The following RBM19 variants were observed in gnomAD, a reference collection of about 807,000 sequenced individuals.
The protein encoded by RBM19 is probable RNA-binding protein 19.
RBM19 carries 94 observed loss-of-function variants against 116.8 expected under a neutral mutation model. That is an observed-to-expected ratio of 0.80 (90% CI 0.68 to 0.95). The LOEUF is 0.95. Ranked by LOEUF, RBM19 falls within the 40% of genes least tolerant of loss-of-function variation. The probability of loss-of-function intolerance (pLI) is 0.00; values close to 1 mark genes in which losing one functional copy is unlikely to be tolerated. For missense variants in RBM19, 1,161 were observed against 1,220.7 expected (o/e 0.95, Z 0.73); for synonymous variants, 475 against 494.1 (o/e 0.96, Z 0.51).
At chr12:113,882,275 T>C (rs1208285032) in intron 21 of RBM19, among the ~76,000 whole-genome samples, 1 of 152,182 alleles carries the variant, frequency 6.6e-6, no homozygotes, top group Non-Finnish European at 1.5e-5. Context: ...CATGGTTCTC[T>C]CTGTCTCAAC....
intron 21 of RBM19, among the ~76,000 whole-genome samples, chr12:113,891,101 C>T (rs1880934096): frequency 6.6e-6 from 1 of 152,098 alleles, no homozygotes; most frequent in Admixed American, 6.5e-5. Context: ...CCAGGCCTGG[C>T]CTTGATGGAA....
intron 23 of RBM19, among the ~76,000 whole-genome samples, chr12:113,832,195 C>CT (rs11410268): frequency 0.26 from 38,173 of 145,186 alleles, 4,971 homozygotes; most frequent in Middle Eastern, 0.4. Context: ...TTTCTTTTTT[C>CT]TTTTTTTTTT....
At chr12:113,826,976 T>G (rs961900217) in intron 23 of RBM19, among the ~76,000 whole-genome samples, 2 of 152,054 alleles carry the variant, frequency 1.3e-5, no homozygotes, top group African/African-American at 2.4e-5. Flanking sequence ...TCTGCCAGGG[T>G]TCAGGCTGGG....
At chr12:113,857,755 G>A (rs1011241844) in intron 22 of RBM19, among the ~76,000 whole-genome samples, 3 of 152,234 alleles carry the variant, frequency 2.0e-5, no homozygotes, top group African/African-American at 7.2e-5. Flanking sequence ...CATGTTCCCA[G>A]GGCCCACAAA....
At chr12:113,923,537 G>A (rs1224687782) in intron 18 of RBM19, among the ~76,000 whole-genome samples, 2 of 152,214 alleles carry the variant, frequency 1.3e-5, no homozygotes, top group Non-Finnish European at 2.9e-5. Context: ...CTGGGGAAAA[G>A]TCAAAACTCT....
intron 1 of RBM19, among the ~76,000 whole-genome samples, chr12:113,964,344 T>C (rs1415271485): frequency 1.3e-5 from 2 of 152,226 alleles, no homozygotes; most frequent in South Asian, 2.1e-4. Context: ...TAAATGTTAC[T>C]TTACCTAAAG....
intron 9 of RBM19, 125 bp from the exon 10 acceptor site, chr12:113,949,161 A>G (rs1871284736): frequency 1.2e-6 from 1 of 855,950 alleles, no homozygotes; most frequent in Non-Finnish European, 1.9e-6. Context: ...AGATGACAGC[A>G]CCCAACACCT....
At chr12:113,886,236 GA>G (rs1199013367) in intron 21 of RBM19, among the ~76,000 whole-genome samples, 1 of 152,042 alleles carries the variant, frequency 6.6e-6, no homozygotes, top group Non-Finnish European at 1.5e-5. Context: ...AGGCTCAAGT[GA>G]TTCTCCCACC....
rs146446193 is a variant in RBM19 at position 113,905,382 on chromosome 12, C to T, written c.2558+9587G>A. On this transcript the variant is annotated intron_variant, in intron 21 of 23. Transcript: ENST00000261741. The stretch of plus-strand genomic sequence containing the variant: ...GGTCTTTGCAATAAATGATATTGGG[C>T]CAATTGAATATCCAAGTGGAAAAAA... Among the ~76,000 whole-genome samples the T allele has an allele frequency of 2.9e-3, 443 of 152,110 alleles. 5 individuals carry two copies. Among genetic ancestry groups the T allele is most frequent in the African/African-American group, 0.01 (428 of 41,476 alleles).
chr12:113,858,718 C>T, intron 22 of RBM19, 73 bp downstream of exon 22: 1 of 1,441,524 alleles, frequency 6.9e-7, no homozygotes, highest in African/African-American at 1.4e-5. Flanking sequence ...TGTTAGAGGC[C>T]TGGCTGTCTC....
At chr12:113,879,242 A>G (rs569331965) in intron 21 of RBM19, among the ~76,000 whole-genome samples, 2 of 152,076 alleles carry the variant, frequency 1.3e-5, no homozygotes, top group African/African-American at 4.8e-5. Flanking sequence ...CATTTCTTGC[A>G]TGTTATGTTC....
At chr12:113,962,517 CT>C in intron 1 of RBM19, 103 bp from the exon 2 acceptor site, 1 of 1,198,982 alleles carries the variant, frequency 8.3e-7, no homozygotes, top group Non-Finnish European at 1.2e-6. Flanking sequence ...CAAGGGTGGC[CT>C]TAGATGAAGA....
At chr12:113,946,500 G>C (rs1871038559) in intron 11 of RBM19, 25 bp from the exon 12 acceptor site, 2 of 1,613,886 alleles carry the variant, frequency 1.2e-6, no homozygotes, top group Non-Finnish European at 1.7e-6. Context: ...CGGGAAGGGA[G>C]TAAACAGAAG....
At chr12:113,955,836 C>T (rs767203493) in intron 6 of RBM19, among the ~76,000 whole-genome samples, 14 of 152,188 alleles carry the variant, frequency 9.2e-5, no homozygotes, top group Non-Finnish European at 1.8e-4. Context: ...AATGTGACTG[C>T]GCTTGACCGT....
At chr12:113,921,683 G>A (rs1464707849) in intron 18 of RBM19, among the ~76,000 whole-genome samples, 1 of 152,144 alleles carries the variant, frequency 6.6e-6, no homozygotes, top group Non-Finnish European at 1.5e-5. Flanking sequence ...ACCCCATGGC[G>A]ACTTTAAATG....
chr12:113,851,061 T>C (rs536426705), intron 22 of RBM19, among the ~76,000 whole-genome samples: 1 of 152,274 alleles, frequency 6.6e-6, no homozygotes, highest in East Asian at 1.9e-4. Context: ...GTGAGTAAGC[T>C]CTCAGCAAAC....
intron 23 of RBM19, among the ~76,000 whole-genome samples, chr12:113,840,854 C>T (rs1876403199): frequency 6.6e-6 from 1 of 152,200 alleles, no homozygotes; most frequent in Non-Finnish European, 1.5e-5. Flanking sequence ...TGACACTACT[C>T]CGCTCTGGGA....
rs1881757923 is a variant in RBM19, at chr12:113,902,470, A to G, written c.2558+12499T>C. ...AAAAATTAGCTGGGCGTGGAAGTGC[A>G]TGCCTGTAATCTCAGCTACTCAGGA... On this transcript the variant is annotated intron_variant, in intron 21 of 23. Transcript: ENST00000261741. Among the ~76,000 whole-genome samples, 9 of 152,166 alleles carry G rather than the reference A, an allele frequency of 5.9e-5. No individual in the cohort carries two copies. In the South Asian group the frequency reaches 1.9e-3, roughly 32 times the overall value.
chr12:113,855,399 G>C (rs1039279177), intron 22 of RBM19, among the ~76,000 whole-genome samples: 4 of 152,208 alleles, frequency 2.6e-5, no homozygotes, highest in African/African-American at 9.6e-5. Context: ...CCTCCTTTCA[G>C]CCTATCCTGG....
Sources: gnomAD v4.1 joint callset for allele counts (sites outside exome capture counted in the v4.1 genomes callset) on GRCh38, gnomAD v4.1.1 for gene constraint, MANE v1.5 for transcripts, NCBI Gene and HGNC (gene_info 2026-07-23, HGNC 2026-07-21) for gene names.